The following PDPK1 variants were observed in gnomAD, a reference collection of about 807,000 sequenced individuals.
PDPK1 encodes 3-phosphoinositide dependent protein kinase 1, also known as 3-phosphoinositide-dependent protein kinase 1.
In PDPK1, 7 loss-of-function variants were observed where a neutral mutation model predicts 39.8. That is an observed-to-expected ratio of 0.18 (90% CI 0.10 to 0.33). The LOEUF is 0.33. Among genes scored for constraint, PDPK1 ranks in the 10% least tolerant of loss-of-function variants. The pLI is 1.00. For synonymous variants in PDPK1, 118 were observed against 159.1 expected (o/e 0.74, Z 1.95); for missense variants, 182 against 384.7 (o/e 0.47, Z 4.41).
rs1361806684 is a variant in PDPK1 at position 2,551,993 on chromosome 16, T to TA, written c.25-5703dup. 3.3e-5 allele frequency among the ~76,000 whole-genome samples: 5 copies of TA among 151,324 alleles called. No individual in the cohort carries two copies. The South Asian group carries it at 8.4e-4, about 25-fold the overall frequency. On this transcript the variant is annotated intron_variant, in intron 1 of 13. Transcript: ENST00000342085. Reference sequence around the variant, plus strand: ...GAGAGTATCTACTTTTTTTTTTCTTTAAAAAAAGATGGGGTTCTTAAAAAG... The same window carrying TA: ...GAGAGTATCTACTTTTTTTTTTCTTTAAAAAAAAGATGGGGTTCTTAAAAAG...
chr16:2,538,879 T>C (rs1448764275), intron 1 of PDPK1: 4 of 728,938 alleles, frequency 5.5e-6, no homozygotes, highest in Non-Finnish European at 7.7e-6. Flanking sequence ...GCTAAAAGTA[T>C]CCCTCGTGTT....
Position 2,593,282 on chromosome 16 carries a change from C to G in PDPK1, c.1344-2511C>G. The G allele has an allele frequency of 2.8e-6, 1 of 358,124 alleles. No individual in the cohort carries two copies. The allele number at this position is 358,124 out of a possible 1,614,324, so 22.2% of individuals were successfully genotyped here. Reference sequence around the variant, plus strand: ...AGTTTGTGTCATTTTGTTGAGTTTTCTGTTGGGTTCCAAGCCTCTCGTGGC... The same window carrying G: ...AGTTTGTGTCATTTTGTTGAGTTTTGTGTTGGGTTCCAAGCCTCTCGTGGC... On this transcript the variant is annotated intron_variant, in intron 11 of 13. Transcript: ENST00000342085. The surrounding 1 kb of genome is among the most constrained non-coding windows in gnomAD (Gnocchi z 4.2).
chr16:2,600,942 C>A lies in PDPK1; in HGVS notation c.*3175C>A. ...TGATATTTTAAGCATTTTCCCATGTCATGAGTTTCTCAGAAACATGTTTTT... is the reference window on the plus strand; with the variant it reads ...TGATATTTTAAGCATTTTCCCATGTAATGAGTTTCTCAGAAACATGTTTTT... On this transcript the variant is annotated 3_prime_UTR_variant, in exon 14 of 14. Coordinates refer to ENST00000342085, the MANE Select transcript of PDPK1 (RefSeq NM_002613.5). 1 of 227,080 alleles carries A rather than the reference C, an allele frequency of 4.4e-6. No individual in the cohort carries two copies. Among genetic ancestry groups the A allele is most frequent in the East Asian group, 6.2e-5 (1 of 16,134 alleles). The allele number at this position is 227,080 out of a possible 1,614,324, so 14.1% of individuals were successfully genotyped here. A position where few individuals can be genotyped will look rare whatever the true frequency, so the allele number is the denominator to read the frequency against.
intron 11 of PDPK1, among the ~76,000 whole-genome samples, chr16:2,589,995 G>A (rs923522521): frequency 4.6e-5 from 7 of 152,234 alleles, no homozygotes; most frequent in South Asian, 2.1e-4. Flanking sequence ...TTCAAGATAC[G>A]ACTGCAGGCA....
At chr16:2,576,674 G>A in intron 6 of PDPK1, 1 of 149,934 alleles carries the variant, frequency 6.7e-6, no homozygotes, top group Non-Finnish European at 1.4e-5. Flanking sequence ...TCACTATGTT[G>A]CTCAGACTGG....
intron 1 of PDPK1, among the ~76,000 whole-genome samples, chr16:2,543,544 G>A (rs537406794): frequency 3.4e-4 from 47 of 139,370 alleles, no homozygotes; most frequent in African/African-American, 1.2e-3. Flanking sequence ...TCGGATGCCC[G>A]GCCACGGCCT....
intron 11 of PDPK1, among the ~76,000 whole-genome samples, chr16:2,588,366 A>T (rs1342986601): frequency 6.6e-6 from 1 of 152,136 alleles, no homozygotes; most frequent in Non-Finnish European, 1.5e-5. Context: ...CTGGCTATGC[A>T]AGGAGCTTCC....
intron 11 of PDPK1, among the ~76,000 whole-genome samples, chr16:2,595,118 GTC>G (rs2067074461): frequency 6.6e-6 from 1 of 152,278 alleles, no homozygotes; most frequent in South Asian, 2.1e-4. Context: ...GCAAGACTTT[GTC>G]TCTAAAAACA....
At position 2,593,225 on chromosome 16, in the gene PDPK1, T is replaced by C; in HGVS notation, c.1344-2568T>C. The C allele has an allele frequency of 2.7e-6, 1 of 377,310 alleles. No homozygotes were observed. The highest frequency in any genetic ancestry group is 7.4e-5 in the East Asian group (1 of 13,556). 23.4% of individuals were successfully genotyped at this position (377,310 alleles called of 1,614,324 possible). A position where few individuals can be genotyped will look rare whatever the true frequency, so the allele number is the denominator to read the frequency against. ...TCATTTAGGGCCATTGAGAGTTTCT[T>C]GTGTCACTGAATTCCTCTTCTGGGA... On this transcript the variant is annotated intron_variant, in intron 11 of 13. Transcript: ENST00000342085. The surrounding 1 kb of genome is among the most constrained non-coding windows in gnomAD (Gnocchi z 4.2).
chr16:2,561,039 A>G (rs1350738020), intron 2 of PDPK1, among the ~76,000 whole-genome samples: 1 of 150,166 alleles, frequency 6.7e-6, no homozygotes, highest in East Asian at 2.0e-4. Flanking sequence ...AATGTATGAT[A>G]ACAGTTATTT....
chr16:2,550,064 G>GT (rs2066386226), intron 1 of PDPK1, among the ~76,000 whole-genome samples: 1 of 137,970 alleles, frequency 7.2e-6, no homozygotes, highest in Admixed American at 8.1e-5. Context: ...ACTGTGGAGT[G>GT]TTTGACTGGA....
Position 2,599,236 on chromosome 16 carries a change from A to C in PDPK1, c.*1469A>C. The C allele has an allele frequency of 4.3e-6, 1 of 232,920 alleles. No homozygotes were observed. Among genetic ancestry groups the C allele is most frequent in the East Asian group, 6.0e-5 (1 of 16,582 alleles). The allele number at this position is 232,920 out of a possible 1,614,324, so 14.4% of individuals were successfully genotyped here. Reference sequence around the variant, plus strand: ...CCCTCACTCCCTTTGGGGGAGAGGCAGACATTGCTGCCCACAGACCTGCCT... The same window carrying C: ...CCCTCACTCCCTTTGGGGGAGAGGCCGACATTGCTGCCCACAGACCTGCCT... On this transcript the variant is annotated 3_prime_UTR_variant, in exon 14 of 14. Transcript: ENST00000342085.
At chr16:2,596,081 G>T (rs544181317) in intron 12 of PDPK1, among the ~76,000 whole-genome samples, 2 of 152,362 alleles carry the variant, frequency 1.3e-5, no homozygotes, top group African/African-American at 2.4e-5. Context: ...ACTCCTGGGA[G>T]CCTGGGGCTG....
intron 1 of PDPK1, among the ~76,000 whole-genome samples, chr16:2,540,854 AG>A (rs1252157432): frequency 6.6e-6 from 1 of 152,244 alleles, no homozygotes. Context: ...TTGGGGGACT[AG>A]GCAGAGTGGC....
chr16:2,551,510 T>C (rs1458392886), intron 1 of PDPK1, among the ~76,000 whole-genome samples: 2 of 150,820 alleles, frequency 1.3e-5, no homozygotes, highest in Non-Finnish European at 2.9e-5. Context: ...GGGCGCTGGC[T>C]CTACCTGTCG....
At chr16:2,559,886 G>A (rs1367124642) in intron 2 of PDPK1, among the ~76,000 whole-genome samples, 4 of 151,670 alleles carry the variant, frequency 2.6e-5, no homozygotes, top group Non-Finnish European at 5.9e-5. Flanking sequence ...AGCACGGTGA[G>A]CCGGAGGCTC....
At chr16:2,578,260 G>A (rs570956838) in intron 7 of PDPK1, 776 of 147,002 alleles carry the variant, frequency 5.3e-3, no homozygotes, top group Non-Finnish European at 7.6e-3. Flanking sequence ...GCAGGCATGA[G>A]GGTCTTTGAG....
intron 1 of PDPK1, among the ~76,000 whole-genome samples, chr16:2,545,658 C>G (rs748496035): frequency 2.6e-5 from 4 of 152,114 alleles, no homozygotes; most frequent in African/African-American, 7.2e-5. Context: ...CCACACTCGG[C>G]TAATTTTTAT....
intron 1 of PDPK1, among the ~76,000 whole-genome samples, chr16:2,542,836 G>A (rs1343415521): frequency 1.3e-5 from 2 of 151,862 alleles, no homozygotes; most frequent in African/African-American, 2.4e-5. Flanking sequence ...CGTCTCCTGC[G>A]TGTTTGCGGA....
Sources: allele counts gnomAD v4.1 joint callset (sites outside exome capture counted in the v4.1 genomes callset), GRCh38; gene constraint gnomAD v4.1.1; non-coding constraint Gnocchi (gnomAD v3.1); transcripts MANE v1.5; gene names NCBI Gene and HGNC (gene_info 2026-07-23, HGNC 2026-07-21).